MXRA7: variants seen among roughly 807,000 people sequenced by gnomAD.
MXRA7 encodes the protein matrix remodeling associated 7, also known as matrix-remodeling-associated protein 7.
A neutral mutation model predicts 17.4 loss-of-function variants in MXRA7; 18 were observed. That is an observed-to-expected ratio of 1.03 (90% confidence interval 0.71 to 1.53). MXRA7 has a LOEUF of 1.53. MXRA7 is among the 40% of genes most tolerant of loss of function. MXRA7 has a pLI of 0.00. For missense variants in MXRA7, 141 were observed against 209.3 expected, an observed-to-expected ratio of 0.67 and a Z score of 2.01; for synonymous variants, 70 against 101.7, an observed-to-expected ratio of 0.69 and a Z score of 1.87.
At chr17:76,676,707 G>GT (rs1219406211), downstream of MXRA7, 1 of 152,388 alleles carries the variant, frequency 6.6e-6, no homozygotes, top group Non-Finnish European at 1.5e-5. Context: ...AGGGCACAGT[G>GT]ACCAGGCGCC....
downstream of MXRA7, chr17:76,675,757 AACAG>A (rs1208684618): frequency 4.1e-5 from 6 of 145,486 alleles, no homozygotes; most frequent in Admixed American, 1.4e-4. Flanking sequence ...TGGATCCAAC[AACAG>A]ACACAGAGAG....
chr17:76,700,268 A>G (rs7212396), intron 1 of MXRA7, among the ~76,000 whole-genome samples: 146,822 of 152,188 alleles, frequency 0.96, 70,969 homozygotes, highest in Non-Finnish European at 1. Flanking sequence ...CACCGGACAC[A>G]GCCAGGATCC....
Position 76,680,458 on chromosome 17 carries a change from G to A in MXRA7, c.*409C>T, listed in dbSNP as rs1379325001. The A allele has an allele frequency of 1.0e-6, 1 of 991,898 alleles. No individual in the cohort carries two copies. Among genetic ancestry groups the A allele is most frequent in the East Asian group, 1.1e-4 (1 of 9,180 alleles). 61.4% of individuals were successfully genotyped at this position (991,898 alleles called of 1,614,324 possible). On this transcript the variant is annotated 3_prime_UTR_variant, in exon 4 of 4. Transcript: ENST00000449428. ...CTCTCATTCCTCAAAGTCTTCTGTG[G>A]TTTGGCTTCAGTGAGGGCAAAAGAG...
intron 2 of MXRA7, 44 bp downstream of exon 2, chr17:76,688,069 C>T (rs2076422809): frequency 1.9e-6 from 3 of 1,603,890 alleles, no homozygotes; most frequent in Non-Finnish European, 2.6e-6. Context: ...CAGACCACCC[C>T]CGACACTGTC....
chr17:76,673,115 G>T (rs1598326456), exon 4 of MXRA7: 1 of 152,250 alleles, frequency 6.6e-6, no homozygotes, highest in South Asian at 2.1e-4. Context: ...ATCAGCACCT[G>T]CCTTTTGGCA....
At chr17:76,706,917 C>A (rs1365681780) in intron 1 of MXRA7, among the ~76,000 whole-genome samples, 2 of 152,150 alleles carry the variant, frequency 1.3e-5, no homozygotes, top group South Asian at 2.1e-4. Context: ...TCTTTGCATT[C>A]TCTCTCTATA....
intron 1 of MXRA7, chr17:76,688,688 C>A: frequency 8.1e-7 from 1 of 1,236,788 alleles, no homozygotes. Flanking sequence ...CCAGTTCTCT[C>A]CCACACAGAG....
At chr17:76,710,490 C>T in intron 1 of MXRA7, 115 bp downstream of exon 1, 1 of 917,564 alleles carries the variant, frequency 1.1e-6, no homozygotes, top group Middle Eastern at 4.2e-4. Flanking sequence ...TTCTGCGCTT[C>T]CTGGGGGCAG....
chr17:76,678,824 C>T (rs1046825206), downstream of MXRA7, among the ~76,000 whole-genome samples: 1 of 152,174 alleles, frequency 6.6e-6, no homozygotes, highest in Non-Finnish European at 1.5e-5. Flanking sequence ...CTTCCCTCCT[C>T]TCCTCAGCCC....
chr17:76,709,594 G>A (rs1024826713), intron 1 of MXRA7: 1 of 153,172 alleles, frequency 6.5e-6, no homozygotes, highest in Non-Finnish European at 1.5e-5. Context: ...GCACAGGACA[G>A]AGTGGGCACG....
At chr17:76,672,797 A>G (rs2076212255) in exon 4 of MXRA7, 1 of 152,208 alleles carries the variant, frequency 6.6e-6, no homozygotes, top group African/African-American at 2.4e-5. Context: ...GAAGCACTGA[A>G]ACGATAAAAC....
intron 1 of MXRA7, among the ~76,000 whole-genome samples, chr17:76,709,287 G>C (rs2076693940): frequency 6.6e-6 from 1 of 152,102 alleles, no homozygotes; most frequent in Non-Finnish European, 1.5e-5. Context: ...TCCCAAATAT[G>C]GGAGCAAACA....
intron 1 of MXRA7, among the ~76,000 whole-genome samples, chr17:76,705,966 T>TAGGACCACACTGCCATCACAA (rs2076649721): frequency 6.6e-6 from 1 of 151,902 alleles, no homozygotes; most frequent in African/African-American, 2.4e-5. Context: ...GAACAGAAAG[T>TAGGACCACACTGCCATCACAA]AGGACCACAC....
intron 1 of MXRA7, chr17:76,688,790 A>G: frequency 1.3e-6 from 1 of 750,546 alleles, no homozygotes. Context: ...AGAGGATGAG[A>G]GCGACGTGCC....
downstream of MXRA7, chr17:76,676,452 A>G (rs577614032): frequency 2.6e-4 from 39 of 152,330 alleles, no homozygotes; most frequent in African/African-American, 9.1e-4. Context: ...GAGTCTCTGA[A>G]TTAGACTTTT....
intron 1 of MXRA7, among the ~76,000 whole-genome samples, chr17:76,708,997 A>G: frequency 6.6e-6 from 1 of 152,148 alleles, no homozygotes; most frequent in East Asian, 1.9e-4. Context: ...GACAGTGGCA[A>G]ATTATGCGAG....
At chr17:76,680,986 T>C (rs904339426) in intron 3 of MXRA7, 107 bp from the exon 4 acceptor site, 2 of 917,448 alleles carry the variant, frequency 2.2e-6, no homozygotes, top group African/African-American at 1.7e-5. Context: ...ATGTTTGGAA[T>C]TGCAGAAGCT....
downstream of MXRA7, among the ~76,000 whole-genome samples, chr17:76,677,999 C>T (rs1212696600): frequency 2.6e-5 from 4 of 152,094 alleles, no homozygotes; most frequent in Non-Finnish European, 5.9e-5. Context: ...CCCTTTGGGC[C>T]TCATTTGATT....
rs1260245399 is a variant in MXRA7 at position 76,685,149 on chromosome 17, G to C, written c.423C>G (p.Phe141Leu). Reference sequence around the variant, plus strand: ...CCCTCAGCTTCCCGGGGCTGTATTTGAAGGAGAAGCCTTCTCCTGTGGAGG... The same window carrying C: ...CCCTCAGCTTCCCGGGGCTGTATTTCAAGGAGAAGCCTTCTCCTGTGGAGG... ...PEEEDGEGFSFKYSPGKLRGN... is the reference protein window; with the variant it reads ...PEEEDGEGFSLKYSPGKLRGN... Residue 141 changes from phenylalanine to leucine, a missense_variant, in exon 3 of 4, where the codon TTC becomes TTG. Phe to Leu is a conservative substitution (Grantham distance 22). Coordinates refer to ENST00000449428, the MANE Select transcript of MXRA7 (RefSeq NM_198530.4). The C allele has an allele frequency of 6.2e-7, 1 of 1,613,930 alleles. No homozygotes were observed. Among genetic ancestry groups the C allele is most frequent in the Non-Finnish European group, 8.5e-7 (1 of 1,179,920 alleles).
Sources: gnomAD v4.1 joint callset for allele counts (sites outside exome capture counted in the v4.1 genomes callset) on GRCh38, gnomAD v4.1.1 for gene constraint, MANE v1.5 for transcripts, NCBI Gene and HGNC (gene_info 2026-07-23, HGNC 2026-07-21) for gene names.